The following KCNAB1 variants were observed in gnomAD, a reference collection of about 807,000 sequenced individuals.
KCNAB1 encodes potassium voltage-gated channel subfamily A regulatory beta subunit 1.
A neutral mutation model predicts 64.6 loss-of-function variants in KCNAB1; 35 were observed. The ratio of observed to expected loss-of-function variants is 0.54; its 90% confidence interval spans 0.41 to 0.72. KCNAB1 has a LOEUF of 0.72. KCNAB1 is among the 30% of genes least tolerant of loss of function. KCNAB1 has a pLI of 0.00. For missense variants in KCNAB1, 401 were observed against 512.9 expected (o/e 0.78, Z 2.11); for synonymous variants, 177 against 183.8 (o/e 0.96, Z 0.30).
rs114439370 is a variant in KCNAB1, at chr3:156,528,654, C to T, written c.1082-2755C>T. ...AGTGAGGCAAAAAGAAAGGGGAAGG[C>T]AAAAGGACATTCCAGGCAAAAGGAA... is the stretch of plus-strand genomic sequence containing the variant. On this transcript the variant is annotated intron_variant, in intron 12 of 13. Coordinates refer to ENST00000490337, the MANE Select transcript of KCNAB1 (RefSeq NM_172160.3). 4.7e-3 allele frequency among the ~76,000 whole-genome samples: 712 copies of T among 152,118 alleles called. 7 individuals carry two copies. The highest frequency in any genetic ancestry group is 0.017 in the African/African-American group (692 of 41,486).
chr3:156,239,409 T>C (rs932098077), intron 1 of KCNAB1, among the ~76,000 whole-genome samples: 1 of 152,234 alleles, frequency 6.6e-6, no homozygotes, highest in East Asian at 1.9e-4. Flanking sequence ...TCTTAGCAGA[T>C]AGGCAGTGAG....
intron 1 of KCNAB1, among the ~76,000 whole-genome samples, chr3:156,357,599 TGAA>T (rs1725343470): frequency 6.6e-6 from 1 of 152,122 alleles, no homozygotes; most frequent in Admixed American, 6.5e-5. Flanking sequence ...AGAAGTATAA[TGAA>T]GCTACATGTG....
At chr3:156,221,129 AT>A (rs1715703400) in intron 1 of KCNAB1, among the ~76,000 whole-genome samples, 1 of 152,132 alleles carries the variant, frequency 6.6e-6, no homozygotes, top group Non-Finnish European at 1.5e-5. Context: ...GCCTTGTAGT[AT>A]AGTTTGAAGT....
At chr3:156,459,648 G>C (rs1369793110) in intron 4 of KCNAB1, among the ~76,000 whole-genome samples, 179 bp from the exon 5 acceptor site, 1 of 152,012 alleles carries the variant, frequency 6.6e-6, no homozygotes, top group African/African-American at 2.4e-5. Flanking sequence ...ATGCTCCGGA[G>C]CAGGATTTTG....
At chr3:156,305,114 A>G (rs114542529) in intron 1 of KCNAB1, among the ~76,000 whole-genome samples, 297 of 152,094 alleles carry the variant, frequency 2.0e-3, no homozygotes, top group African/African-American at 6.9e-3. Flanking sequence ...CTTTTTCAAG[A>G]GTTTCAGGAT....
rs558654697 is a variant in KCNAB1 at position 156,259,824 on chromosome 3, C to T, written c.275+138938C>T. 3.9e-5 allele frequency among the ~76,000 whole-genome samples: 6 copies of T among 152,304 alleles called. No individual in the cohort carries two copies. In the South Asian group the frequency reaches 1.2e-3, roughly 32 times the overall value. On this transcript the variant is annotated intron_variant, in intron 1 of 13. Coordinates refer to ENST00000490337, the MANE Select transcript of KCNAB1 (RefSeq NM_172160.3). ...GATGCTCTGGAGGTCCTGTTTATGCCTTGACTGCTTTGTCGCCCCATCCCA... is the reference window on the plus strand; with the variant it reads ...GATGCTCTGGAGGTCCTGTTTATGCTTTGACTGCTTTGTCGCCCCATCCCA...
intron 8 of KCNAB1, among the ~76,000 whole-genome samples, chr3:156,483,965 G>A (rs1449819365): frequency 6.6e-6 from 1 of 152,112 alleles, no homozygotes; most frequent in African/African-American, 2.4e-5. Flanking sequence ...TGAAGAGCTG[G>A]CTTTAAAGAA....
chr3:156,343,712 G>A (rs1724291797), intron 1 of KCNAB1, among the ~76,000 whole-genome samples: 1 of 152,138 alleles, frequency 6.6e-6, no homozygotes, highest in Admixed American at 6.5e-5. Flanking sequence ...TAGGATTGGA[G>A]AGTTTAATAA....
At chr3:156,203,760 G>A (rs1201838468) in intron 1 of KCNAB1, among the ~76,000 whole-genome samples, 1 of 152,122 alleles carries the variant, frequency 6.6e-6, no homozygotes, top group Non-Finnish European at 1.5e-5. Context: ...TTATCTGAAA[G>A]TATTTTTTCC....
intron 1 of KCNAB1, among the ~76,000 whole-genome samples, chr3:156,150,137 G>T (rs2108293181): frequency 6.6e-6 from 1 of 152,250 alleles, no homozygotes; most frequent in Admixed American, 6.5e-5. Context: ...CACCAAGATG[G>T]CTCAGGCTCA....
intron 1 of KCNAB1, among the ~76,000 whole-genome samples, chr3:156,183,414 T>C (rs1054871607): frequency 6.6e-6 from 1 of 152,196 alleles, no homozygotes; most frequent in Non-Finnish European, 1.5e-5. Context: ...GTTGGGATTG[T>C]CACATTCACT....
intron 1 of KCNAB1, among the ~76,000 whole-genome samples, chr3:156,144,783 T>C (rs1168512444): frequency 6.6e-6 from 1 of 152,192 alleles, no homozygotes; most frequent in East Asian, 1.9e-4. Context: ...TGTCATAGGA[T>C]GGGTGGTATT....
At chr3:156,221,141 C>G (rs949507530) in intron 1 of KCNAB1, among the ~76,000 whole-genome samples, 1 of 152,192 alleles carries the variant, frequency 6.6e-6, no homozygotes, top group Admixed American at 6.5e-5. Flanking sequence ...AGTTTGAAGT[C>G]AGGTAGCATG....
At chr3:156,510,556 T>C (rs189646919) in intron 8 of KCNAB1, among the ~76,000 whole-genome samples, 2 of 152,352 alleles carry the variant, frequency 1.3e-5, no homozygotes, top group Admixed American at 6.5e-5. Context: ...CTTCAGCTCC[T>C]GTCCTATTTC....
rs556489313 is a variant in KCNAB1, at chr3:156,158,677, T to C, written c.275+37791T>C. ...CAATGTGTACAGGACTCTGTTTCTT[T>C]CTCTCTGCATCTGTGGGCTTTCTTT... On this transcript the variant is annotated intron_variant, in intron 1 of 13. Coordinates refer to ENST00000490337, the MANE Select transcript of KCNAB1 (RefSeq NM_172160.3). 2.6e-5 allele frequency among the ~76,000 whole-genome samples: 4 copies of C among 152,306 alleles called. No homozygotes were observed. In the South Asian group the frequency reaches 8.3e-4, roughly 32 times the overall value.
At chr3:156,252,049 C>A (rs4680252) in intron 1 of KCNAB1, among the ~76,000 whole-genome samples, 1 of 151,960 alleles carries the variant, frequency 6.6e-6, no homozygotes, top group Non-Finnish European at 1.5e-5. Context: ...ATGAGTTGGG[C>A]CTTTTTCCTG....
intron 1 of KCNAB1, among the ~76,000 whole-genome samples, chr3:156,184,304 C>T (rs575677513): frequency 6.6e-6 from 1 of 152,302 alleles, no homozygotes; most frequent in African/African-American, 2.4e-5. Flanking sequence ...CTGCCCCTGC[C>T]AGGCCTGGCT....
At chr3:156,429,490 A>G (rs935799480) in intron 2 of KCNAB1, among the ~76,000 whole-genome samples, 23 of 152,238 alleles carry the variant, frequency 1.5e-4, no homozygotes, top group African/African-American at 4.8e-4. Flanking sequence ...AGAACTTTCT[A>G]GAGCAAAAGC....
chr3:156,491,098 T>C (rs944139605), intron 8 of KCNAB1, among the ~76,000 whole-genome samples: 1 of 152,074 alleles, frequency 6.6e-6, no homozygotes, highest in African/African-American at 2.4e-5. Context: ...AGAAGTAATG[T>C]CATTTTGACT....
Sources: allele counts gnomAD v4.1 joint callset (sites outside exome capture counted in the v4.1 genomes callset), GRCh38; gene constraint gnomAD v4.1.1; transcripts MANE v1.5; gene names NCBI Gene and HGNC (gene_info 2026-07-23, HGNC 2026-07-21).